DCDC2: variants seen among roughly 807,000 people sequenced by gnomAD.
DCDC2 encodes doublecortin domain containing 2, also known as doublecortin domain-containing protein 2.
In DCDC2, 40 loss-of-function variants were observed where a neutral mutation model predicts 50.2. The ratio of observed to expected loss-of-function variants is 0.80; its 90% CI spans 0.62 to 1.04. The LOEUF is 1.04. Ranked by LOEUF, DCDC2 falls within the 50% of genes least tolerant of loss-of-function variation. DCDC2 has a pLI of 0.00. For synonymous variants in DCDC2, 234 were observed against 210.6 expected, an observed-to-expected ratio of 1.11 and a Z score of -0.96; for missense variants, 570 against 581.9, an observed-to-expected ratio of 0.98 and a Z score of 0.21.
chr6:24,252,254 T>C (rs1481212064), intron 7 of DCDC2, among the ~76,000 whole-genome samples: 1 of 152,248 alleles, frequency 6.6e-6, no homozygotes, highest in Non-Finnish European at 1.5e-5. Context: ...TCATATTATA[T>C]ACTTCCTTGT....
chr6:24,358,997 ATATATTTTATATATTATATATTT>A (rs1760569514), upstream of DCDC2, among the ~76,000 whole-genome samples: 2 of 54,548 alleles, frequency 3.7e-5, no homozygotes, highest in East Asian at 5.5e-4. Context: ...ATTATATATT[ATATATTTTATATATTATATATTT>A]TATATTTTAT....
the DCDC2 span, among the ~76,000 whole-genome samples, chr6:24,382,257 C>G: frequency 4.6e-5 from 7 of 152,004 alleles, no homozygotes; most frequent in African/African-American, 1.7e-4. Flanking sequence ...TCTACAGACT[C>G]CGGCAAATAC....
chr6:24,258,812 C>T (rs556538383), intron 7 of DCDC2, among the ~76,000 whole-genome samples: 4 of 152,144 alleles, frequency 2.6e-5, no homozygotes, highest in Non-Finnish European at 4.4e-5. Context: ...AGCTCACCTG[C>T]CTCAACCAAT....
chr6:24,209,922 A>G (rs1415863743), intron 7 of DCDC2, among the ~76,000 whole-genome samples: 3 of 152,068 alleles, frequency 2.0e-5, no homozygotes, highest in Non-Finnish European at 4.4e-5. Context: ...AGCACCCCAG[A>G]GAGATTATTC....
intron 2 of DCDC2, among the ~76,000 whole-genome samples, chr6:24,342,439 A>G (rs563545245): frequency 2.6e-5 from 4 of 152,346 alleles, no homozygotes; most frequent in South Asian, 2.1e-4. Context: ...TCACTCCGGC[A>G]GTCTTCTTGC....
intron 2 of DCDC2, among the ~76,000 whole-genome samples, chr6:24,325,136 T>A (rs146524316): frequency 6.7e-6 from 1 of 150,168 alleles, no homozygotes; most frequent in Non-Finnish European, 1.5e-5. Flanking sequence ...AACCAGAATC[T>A]CCAGAGCCCC....
At chr6:24,257,169 A>G (rs1762912611) in intron 7 of DCDC2, among the ~76,000 whole-genome samples, 4 of 152,222 alleles carry the variant, frequency 2.6e-5, no homozygotes, top group Admixed American at 2.6e-4. Context: ...ACTGGAAAAT[A>G]CTTGATTAGC....
intron 2 of DCDC2, among the ~76,000 whole-genome samples, chr6:24,307,087 T>C (rs1008422784): frequency 3.9e-5 from 6 of 152,266 alleles, no homozygotes; most frequent in African/African-American, 1.4e-4. Context: ...CCTATAAAAG[T>C]AGGAATAATC....
intron 7 of DCDC2, 56 bp from the exon 8 acceptor site, chr6:24,205,158 G>C (rs559070275): frequency 6.2e-7 from 1 of 1,614,096 alleles, no homozygotes; most frequent in Non-Finnish European, 8.5e-7. Flanking sequence ...TCGTGTGGCT[G>C]AATGCTGGAA....
At chr6:24,232,567 C>A (rs1762357953) in intron 7 of DCDC2, among the ~76,000 whole-genome samples, 1 of 152,172 alleles carries the variant, frequency 6.6e-6, no homozygotes, top group African/African-American at 2.4e-5. Flanking sequence ...CAATTGAGAA[C>A]AGAATTGTTG....
intron 7 of DCDC2, chr6:24,205,368 T>G (rs1386815410): frequency 6.8e-7 from 1 of 1,466,576 alleles, no homozygotes; most frequent in Non-Finnish European, 9.1e-7. Context: ...TGGCTACTGA[T>G]TTACTAACAT....
chr6:24,203,812 C>CA (rs1397919640), intron 8 of DCDC2, among the ~76,000 whole-genome samples: 1 of 151,944 alleles, frequency 6.6e-6, no homozygotes, highest in Non-Finnish European at 1.5e-5. Context: ...ACAAACCCAT[C>CA]AAAAAGTGGG....
chr6:24,216,404 G>C lies in DCDC2; in HGVS notation c.923-11302C>G, dbSNP rs532612861. ...CACCAAAGGAATAATCAGTATTAAA[G>C]TGTCCCGCCATTTGGGGATCCCCTT... On this transcript the variant is annotated intron_variant, in intron 7 of 9. Transcript: ENST00000378454. Among the ~76,000 whole-genome samples the C allele has an allele frequency of 9.2e-4, 140 of 152,276 alleles. 2 individuals carry two copies. The South Asian group carries it at 0.028, about 30-fold the overall frequency.
At chr6:24,225,971 C>T (rs994745333) in intron 7 of DCDC2, among the ~76,000 whole-genome samples, 1 of 152,194 alleles carries the variant, frequency 6.6e-6, no homozygotes, top group Non-Finnish European at 1.5e-5. Flanking sequence ...AATATTTTAG[C>T]CTACAAGTCT....
At chr6:24,360,691 T>C (rs137943594), upstream of DCDC2, among the ~76,000 whole-genome samples, 565 of 152,306 alleles carry the variant, frequency 3.7e-3, 5 homozygotes, top group African/African-American at 0.012. Flanking sequence ...TCATTCCTCC[T>C]AAGACTTTTC....
chr6:24,176,694 C>A (rs1760922637), intron 9 of DCDC2, among the ~76,000 whole-genome samples: 1 of 152,172 alleles, frequency 6.6e-6, no homozygotes, highest in Non-Finnish European at 1.5e-5. Flanking sequence ...AGACACCTTA[C>A]TGTACAATAG....
chr6:24,173,123 A>G lies in DCDC2; in HGVS notation c.*1607T>C, dbSNP rs868509606. ...AAAAGTAACGCTAGTAGAAAGCACA[A>G]TTTAGATTTTACACCAGAAACATAG... On this transcript the variant is annotated 3_prime_UTR_variant, in exon 10 of 10. Transcript: ENST00000378454. The G allele has an allele frequency of 3.7e-4, 56 of 152,098 alleles. No homozygotes were observed. Among genetic ancestry groups the G allele is most frequent in the African/African-American group, 1.3e-3 (55 of 41,528 alleles). 9.4% of individuals were successfully genotyped at this position (152,098 alleles called of 1,614,324 possible).
At chr6:24,321,136 T>C (rs1019742593) in intron 2 of DCDC2, among the ~76,000 whole-genome samples, 1 of 151,898 alleles carries the variant, frequency 6.6e-6, no homozygotes, top group Non-Finnish European at 1.5e-5. Flanking sequence ...ATTGAATAAA[T>C]ACATTAAAAA....
intron 8 of DCDC2, among the ~76,000 whole-genome samples, chr6:24,194,997 C>T (rs79082226): frequency 0.026 from 4,001 of 152,168 alleles, 87 homozygotes; most frequent in African/African-American, 0.058. Flanking sequence ...TGGGGCAGAG[C>T]TCAGACTCTT....
Sources: allele counts gnomAD v4.1 joint callset (sites outside exome capture counted in the v4.1 genomes callset), GRCh38; gene constraint gnomAD v4.1.1; transcripts MANE v1.5; gene names NCBI Gene and HGNC (gene_info 2026-07-23, HGNC 2026-07-21).